The following GRM3 variants were observed in gnomAD, a reference collection of about 807,000 sequenced individuals.
The protein encoded by GRM3 is glutamate metabotropic receptor 3, also known as metabotropic glutamate receptor 3.
A neutral mutation model predicts 70.5 loss-of-function variants in GRM3; 26 were observed. The ratio of observed to expected loss-of-function variants is 0.37; its 90% CI spans 0.27 to 0.51. GRM3 has a LOEUF of 0.51. Among genes scored for constraint, GRM3 ranks in the 20% least tolerant of loss-of-function variants. GRM3 has a pLI of 0.93. For missense variants in GRM3, 859 were observed against 1,123.8 expected (o/e 0.76, Z 3.37); for synonymous variants, 443 against 434.9 (o/e 1.02, Z -0.23).
intron 1 of GRM3, among the ~76,000 whole-genome samples, chr7:86,742,267 C>G (rs1424265579): frequency 6.6e-6 from 1 of 152,148 alleles, no homozygotes; most frequent in Non-Finnish European, 1.5e-5. Flanking sequence ...AGCCTCGCTG[C>G]TTTTGACAAC....
intron 1 of GRM3, among the ~76,000 whole-genome samples, chr7:86,733,326 A>G (rs1795782253): frequency 6.6e-6 from 1 of 151,740 alleles, no homozygotes; most frequent in Admixed American, 6.6e-5. Flanking sequence ...AAAAAAAAAA[A>G]AAAGAATGGC....
intron 3 of GRM3, among the ~76,000 whole-genome samples, chr7:86,797,607 T>A (rs1191468686): frequency 6.6e-6 from 1 of 152,136 alleles, no homozygotes; most frequent in Non-Finnish European, 1.5e-5. Flanking sequence ...GCATAAAAAT[T>A]TGGAAAATTT....
At chr7:86,658,080 G>C (rs901492152) in intron 1 of GRM3, among the ~76,000 whole-genome samples, 3 of 152,108 alleles carry the variant, frequency 2.0e-5, no homozygotes, top group African/African-American at 7.2e-5. Context: ...GCTATTATTT[G>C]ATTGCATTTA....
At chr7:86,696,809 G>A (rs34677217) in intron 1 of GRM3, among the ~76,000 whole-genome samples, 5,069 of 152,174 alleles carry the variant, frequency 0.033, 277 homozygotes, top group African/African-American at 0.12. Context: ...TCCCAACTCT[G>A]TGCTATGAGG....
At chr7:86,852,001 CAT>C (rs1798763631) in intron 5 of GRM3, among the ~76,000 whole-genome samples, 1 of 152,122 alleles carries the variant, frequency 6.6e-6, no homozygotes, top group African/African-American at 2.4e-5. Context: ...ACTTTACACA[CAT>C]GTGTGTATGT....
At chr7:86,823,279 C>T (rs1584265099) in intron 3 of GRM3, among the ~76,000 whole-genome samples, 2 of 152,036 alleles carry the variant, frequency 1.3e-5, no homozygotes, top group Admixed American at 1.3e-4. Context: ...AGTTGAGAGG[C>T]AAAGATGGAC....
At chr7:86,864,217 T>C (rs1799017950) in intron 5 of GRM3, 65 bp from the exon 6 acceptor site, 12 of 830,278 alleles carry the variant, frequency 1.4e-5, no homozygotes, top group South Asian at 1.1e-4. Context: ...ATTGTATCCT[T>C]CATGCTATTA....
intron 1 of GRM3, among the ~76,000 whole-genome samples, chr7:86,689,679 G>A (rs1370153398): frequency 6.6e-6 from 1 of 151,880 alleles, no homozygotes; most frequent in Non-Finnish European, 1.5e-5. Context: ...AATGTGAATA[G>A]CTATAAGAAG....
intron 2 of GRM3, among the ~76,000 whole-genome samples, chr7:86,780,126 T>C (rs1338991097): frequency 6.6e-6 from 1 of 152,188 alleles, no homozygotes; most frequent in Non-Finnish European, 1.5e-5. Context: ...TCTATCATTG[T>C]TGGACATTTG....
At chr7:86,704,538 GACA>G (rs1378174776) in intron 1 of GRM3, among the ~76,000 whole-genome samples, 1 of 151,792 alleles carries the variant, frequency 6.6e-6, no homozygotes, top group Non-Finnish European at 1.5e-5. Context: ...ACACACCACA[GACA>G]ACATCAAACA....
chr7:86,694,902 A>G (rs769091460), intron 1 of GRM3, among the ~76,000 whole-genome samples: 2 of 152,182 alleles, frequency 1.3e-5, no homozygotes, highest in Non-Finnish European at 2.9e-5. Flanking sequence ...TTCACAGTCT[A>G]CTTTCATGTT....
intron 1 of GRM3, among the ~76,000 whole-genome samples, chr7:86,743,731 T>A (rs942717557): frequency 2.6e-5 from 4 of 152,004 alleles, no homozygotes; most frequent in African/African-American, 9.7e-5. Flanking sequence ...TAAAGAAGAG[T>A]AGGATTGCAA....
intron 1 of GRM3, among the ~76,000 whole-genome samples, chr7:86,716,742 T>G (rs539513775): frequency 2.6e-5 from 4 of 151,796 alleles, no homozygotes; most frequent in Admixed American, 2.6e-4. Flanking sequence ...ATAAGCCCAA[T>G]TTGAGGCTTA....
At chr7:86,800,012 G>A (rs1211673348) in intron 3 of GRM3, among the ~76,000 whole-genome samples, 1 of 152,168 alleles carries the variant, frequency 6.6e-6, no homozygotes, top group Non-Finnish European at 1.5e-5. Flanking sequence ...CAACTACATA[G>A]AAATTGAACA....
chr7:86,741,284 G>A (rs1795984581), intron 1 of GRM3, among the ~76,000 whole-genome samples: 1 of 152,138 alleles, frequency 6.6e-6, no homozygotes, highest in Non-Finnish European at 1.5e-5. Flanking sequence ...TCCAGTGGCG[G>A]TGGGCCGGAC....
chr7:86,778,138 T>C (rs1796943760), intron 2 of GRM3, among the ~76,000 whole-genome samples: 1 of 152,194 alleles, frequency 6.6e-6, no homozygotes, highest in Non-Finnish European at 1.5e-5. Flanking sequence ...ACATGAAGGT[T>C]ATTATCAAGT....
chr7:86,823,400 A>G (rs1798163980), intron 3 of GRM3, among the ~76,000 whole-genome samples: 1 of 151,782 alleles, frequency 6.6e-6, no homozygotes, highest in African/African-American at 2.4e-5. Context: ...CCCAGTATAT[A>G]TGCCCTACAA....
intron 1 of GRM3, among the ~76,000 whole-genome samples, chr7:86,746,680 C>T (rs117737446): frequency 2.0e-5 from 3 of 152,012 alleles, no homozygotes; most frequent in East Asian, 1.9e-4. Context: ...ATTGCTAATG[C>T]CAAAATTCAA....
chr7:86,861,339 C>T (rs1250431470), intron 5 of GRM3, among the ~76,000 whole-genome samples: 2 of 152,126 alleles, frequency 1.3e-5, no homozygotes, highest in African/African-American at 4.8e-5. Flanking sequence ...CAGTCTATTC[C>T]ATGACCAGCA....
Sources: allele counts gnomAD v4.1 joint callset (sites outside exome capture counted in the v4.1 genomes callset), GRCh38; gene constraint gnomAD v4.1.1; transcripts MANE v1.5; gene names NCBI Gene and HGNC (gene_info 2026-07-23, HGNC 2026-07-21).